The following RNF150 variants were observed in gnomAD, a reference collection of about 807,000 sequenced individuals.
RNF150 encodes the protein ring finger protein 150.
Under a neutral mutation model 39.3 loss-of-function variants are expected in RNF150, and 24 were observed. That is an observed-to-expected ratio of 0.61 (90% CI 0.44 to 0.86). The LOEUF (loss-of-function observed/expected upper bound fraction) is 0.86. RNF150 is among the 40% of genes least tolerant of loss of function. The probability of loss-of-function intolerance (pLI) is 0.00; values close to 1 mark genes in which losing one functional copy is unlikely to be tolerated. For missense variants in RNF150, 502 were observed against 587.8 expected (o/e 0.85, Z 1.51); for synonymous variants, 255 against 227.3 (o/e 1.12, Z -1.10).
At chr4:141,194,823 G>A (rs1364720480) in intron 1 of RNF150, among the ~76,000 whole-genome samples, 1 of 152,148 alleles carries the variant, frequency 6.6e-6, no homozygotes, top group Non-Finnish European at 1.5e-5. Context: ...GACTGCCCGA[G>A]TTCAAATCCT....
chr4:140,895,051 T>A (rs888802127), intron 6 of RNF150, among the ~76,000 whole-genome samples: 6 of 152,132 alleles, frequency 3.9e-5, no homozygotes, highest in Non-Finnish European at 7.4e-5. Flanking sequence ...CTTGAGAACA[T>A]TACCTTTGTG....
chr4:140,901,058 G>C (rs941212151), intron 6 of RNF150, among the ~76,000 whole-genome samples: 5 of 152,084 alleles, frequency 3.3e-5, no homozygotes, highest in Non-Finnish European at 7.4e-5. Flanking sequence ...TATTTATCAT[G>C]GGTTAATATA....
chr4:141,164,771 C>G (rs1209449210), intron 1 of RNF150, among the ~76,000 whole-genome samples: 3 of 152,144 alleles, frequency 2.0e-5, no homozygotes, highest in Admixed American at 6.5e-5. Context: ...ATTTTGTCAC[C>G]ACCAGGCTTG....
At chr4:141,166,648 T>C (rs1213807910) in intron 1 of RNF150, among the ~76,000 whole-genome samples, 4 of 152,256 alleles carry the variant, frequency 2.6e-5, no homozygotes, top group African/African-American at 7.2e-5. Context: ...CATATGCAAA[T>C]GAATAAACAT....
intron 4 of RNF150, among the ~76,000 whole-genome samples, chr4:140,927,650 CT>C (rs70946712): frequency 0.93 from 117,880 of 126,924 alleles, 54,803 homozygotes; most frequent in East Asian, 0.99. Context: ...TTTTTTGTTT[CT>C]TTTTTTTTTT....
At chr4:141,179,381 A>C (rs1162735334) in intron 1 of RNF150, among the ~76,000 whole-genome samples, 2 of 152,208 alleles carry the variant, frequency 1.3e-5, no homozygotes, top group African/African-American at 4.8e-5. Flanking sequence ...TAATATTTAA[A>C]ATAGTTCAAT....
At chr4:141,068,312 T>G (rs948685238) in intron 1 of RNF150, among the ~76,000 whole-genome samples, 3 of 152,364 alleles carry the variant, frequency 2.0e-5, no homozygotes, top group African/African-American at 7.2e-5. Context: ...GTTTTAGCAC[T>G]GATGTTGATC....
Position 140,871,021 on chromosome 4 carries a change from T to TACAC in RNF150, c.1199-2646_1199-2643dup, listed in dbSNP as rs146589962. Reference sequence around the variant, plus strand: ...CTCTCTCTATATATATATATATGTATACACACACACACACACACTTTATAC... The same window carrying TACAC: ...CTCTCTCTATATATATATATATGTATACACACACACACACACACACACTTTATAC... On this transcript the variant is annotated intron_variant, in intron 6 of 6. Coordinates refer to ENST00000515673, the MANE Select transcript of RNF150 (RefSeq NM_020724.2). Among the ~76,000 whole-genome samples, 1,412 of 150,012 alleles carry TACAC rather than the reference T, an allele frequency of 9.4e-3. 26 individuals are homozygous for TACAC. Among genetic ancestry groups the TACAC allele is most frequent in the African/African-American group, 0.031 (1,280 of 40,814 alleles).
At chr4:140,962,184 T>G (rs548783740) in intron 2 of RNF150, among the ~76,000 whole-genome samples, 2 of 151,828 alleles carry the variant, frequency 1.3e-5, no homozygotes, top group South Asian at 4.2e-4. Context: ...GTTTAGATAA[T>G]GATTATACTG....
intron 1 of RNF150, among the ~76,000 whole-genome samples, chr4:141,093,600 A>G (rs1184587247): frequency 1.3e-5 from 2 of 152,306 alleles, no homozygotes; most frequent in East Asian, 1.9e-4. Context: ...GGGGTAACCC[A>G]TAACACCTCA....
At chr4:141,115,198 A>C (rs966074037) in intron 1 of RNF150, among the ~76,000 whole-genome samples, 1 of 152,214 alleles carries the variant, frequency 6.6e-6, no homozygotes, top group Non-Finnish European at 1.5e-5. Context: ...GAGGAAGTCA[A>C]ATTGTCTCCG....
At chr4:140,886,190 CAAAAAAAAA>C (rs1171164182) in intron 6 of RNF150, among the ~76,000 whole-genome samples, 1 of 73,360 alleles carries the variant, frequency 1.4e-5, no homozygotes, top group Non-Finnish European at 2.6e-5. Flanking sequence ...GACTCCATCA[CAAAAAAAAA>C]AAAAAAAAAA....
intron 1 of RNF150, among the ~76,000 whole-genome samples, chr4:141,076,807 T>G (rs1737912855): frequency 6.6e-6 from 1 of 151,248 alleles, no homozygotes; most frequent in Admixed American, 6.5e-5. Flanking sequence ...AATAGTTTAG[T>G]TTTTTTCATT....
chr4:141,011,254 T>TA (rs142736878), intron 1 of RNF150, among the ~76,000 whole-genome samples: 11,517 of 148,630 alleles, frequency 0.077, 491 homozygotes, highest in Middle Eastern at 0.16. Context: ...AATTCAAAAG[T>TA]AAAAAAAAAA....
chr4:141,099,098 C>T (rs1387269592), intron 1 of RNF150, among the ~76,000 whole-genome samples: 2 of 151,936 alleles, frequency 1.3e-5, no homozygotes, highest in Non-Finnish European at 2.9e-5. Context: ...AAAATTAATC[C>T]TATAATTTAT....
At chr4:141,078,113 T>C (rs1280514191) in intron 1 of RNF150, among the ~76,000 whole-genome samples, 2 of 152,212 alleles carry the variant, frequency 1.3e-5, no homozygotes. Context: ...AATGTCATCA[T>C]GCTCTAAAAA....
chr4:140,938,518 C>T (rs749249014), intron 4 of RNF150, among the ~76,000 whole-genome samples: 2 of 152,100 alleles, frequency 1.3e-5, no homozygotes, highest in South Asian at 4.1e-4. Context: ...GGGGCGTTTC[C>T]GTCCAATGAG....
chr4:141,008,512 C>T (rs1026993496), intron 1 of RNF150, among the ~76,000 whole-genome samples: 2 of 152,132 alleles, frequency 1.3e-5, no homozygotes, highest in Non-Finnish European at 2.9e-5. Context: ...AAAATATACA[C>T]CTATGCTTTC....
intron 1 of RNF150, among the ~76,000 whole-genome samples, chr4:141,128,625 C>CT (rs1221924957): frequency 6.6e-6 from 1 of 152,102 alleles, no homozygotes; most frequent in Non-Finnish European, 1.5e-5. Flanking sequence ...TTCTCTATAG[C>CT]TTTTTGCTAT....
Sources: gnomAD v4.1 joint callset for allele counts (sites outside exome capture counted in the v4.1 genomes callset) on GRCh38, gnomAD v4.1.1 for gene constraint, MANE v1.5 for transcripts, NCBI Gene and HGNC (gene_info 2026-07-23, HGNC 2026-07-21) for gene names.